Variants in CSMD3 observed in about 807,000 individuals in gnomAD.
CSMD3 encodes the protein CUB and sushi domain-containing protein 3.
A neutral mutation model predicts 435.2 loss-of-function variants in CSMD3; 177 were observed. The observed-to-expected ratio is 0.41, with a 90% CI of 0.36 to 0.46. CSMD3 has a LOEUF of 0.46. CSMD3 is among the 20% of genes least tolerant of loss of function. The probability of loss-of-function intolerance (pLI) is 0.34; values close to 1 mark genes in which losing one functional copy is unlikely to be tolerated. For synonymous variants in CSMD3, 1,656 were observed against 1,520.5 expected, an observed-to-expected ratio of 1.09 and a Z score of -2.07; for missense variants, 4,265 against 4,504.6, an observed-to-expected ratio of 0.95 and a Z score of 1.52.
At chr8:112,679,960 G>C (rs940495791) in intron 16 of CSMD3, among the ~76,000 whole-genome samples, 5 of 152,174 alleles carry the variant, frequency 3.3e-5, no homozygotes, top group African/African-American at 7.2e-5. Context: ...TCATTCATCA[G>C]ATCCAACTCA....
chr8:112,341,558 A>G lies in CSMD3; in HGVS notation c.6571T>C (p.Phe2191Leu). The G allele has an allele frequency of 6.2e-7, 1 of 1,613,546 alleles. No individual in the cohort carries two copies. The highest frequency in any genetic ancestry group is 8.5e-7 in the Non-Finnish European group (1 of 1,179,544). Residue 2191 changes from phenylalanine (F) to leucine (L), a missense_variant, in exon 42 of 71, where the codon TTC (phenylalanine) becomes CTC (leucine). This residue lies in a region of CSMD3 where 3,255 missense variants were observed against 3,380.2 expected (regional missense o/e 0.96). Coordinates refer to ENST00000297405, the MANE Select transcript of CSMD3 (RefSeq NM_198123.2). ...LSGPQIPSSLFSTTHETSLYF... is the reference protein window; with the variant it reads ...LSGPQIPSSLLSTTHETSLYF... Reference sequence around the variant, plus strand: ...AAGCTGGTTTCATGGGTGGTGCTGAATAAGGAAGATGGTATTTGAGGACCA... The same window carrying G: ...AAGCTGGTTTCATGGGTGGTGCTGAGTAAGGAAGATGGTATTTGAGGACCA...
intron 7 of CSMD3, among the ~76,000 whole-genome samples, chr8:112,972,614 C>A (rs2084698838): frequency 6.6e-6 from 1 of 151,754 alleles, no homozygotes; most frequent in African/African-American, 2.4e-5. Flanking sequence ...ATGTAGTTAT[C>A]TTTAATACTG....
intron 35 of CSMD3, among the ~76,000 whole-genome samples, chr8:112,394,372 C>T (rs947621651): frequency 2.8e-4 from 42 of 152,128 alleles, no homozygotes; most frequent in African/African-American, 8.7e-4. Context: ...TCCACATCTC[C>T]CTACACTAAC....
At chr8:112,319,077 G>T (rs947939133) in intron 46 of CSMD3, 127 bp from the exon 47 acceptor site, 2 of 692,722 alleles carry the variant, frequency 2.9e-6, no homozygotes, top group Non-Finnish European at 5.1e-6. Context: ...ATGTTATTAG[G>T]TATAAGTAGG....
intron 70 of CSMD3, among the ~76,000 whole-genome samples, 198 bp downstream of exon 70, chr8:112,228,558 C>T (rs1285393532): frequency 6.6e-6 from 1 of 152,132 alleles, no homozygotes; most frequent in Non-Finnish European, 1.5e-5. Context: ...TTTAACAGAG[C>T]ACTTTTGTTA....
intron 27 of CSMD3, among the ~76,000 whole-genome samples, chr8:112,531,822 C>T (rs1825566930): frequency 6.6e-6 from 1 of 152,048 alleles, no homozygotes; most frequent in Non-Finnish European, 1.5e-5. Context: ...TTGATTGACA[C>T]ATGTCCACAA....
intron 27 of CSMD3, among the ~76,000 whole-genome samples, chr8:112,545,511 A>AAT (rs1563685286): frequency 1.2e-4 from 17 of 142,220 alleles, no homozygotes; most frequent in African/African-American, 4.0e-4. Flanking sequence ...AAATAATAAT[A>AAT]ATAATAATAA....
At chr8:112,554,605 T>C (rs190637308) in intron 25 of CSMD3, among the ~76,000 whole-genome samples, 198 of 152,076 alleles carry the variant, frequency 1.3e-3, no homozygotes, top group African/African-American at 4.6e-3. Context: ...AACTTAAACA[T>C]AGCTGTTTCC....
chr8:113,342,501 G>A (rs890658950), intron 1 of CSMD3, among the ~76,000 whole-genome samples: 3 of 152,094 alleles, frequency 2.0e-5, no homozygotes, highest in Non-Finnish European at 4.4e-5. Flanking sequence ...AAATTGATCT[G>A]ATTAACATAA....
intron 13 of CSMD3, among the ~76,000 whole-genome samples, chr8:112,711,121 G>C (rs1313391412): frequency 6.6e-6 from 1 of 152,098 alleles, no homozygotes; most frequent in East Asian, 1.9e-4. Flanking sequence ...TGCAATGATA[G>C]TAACTGATAT....
intron 31 of CSMD3, among the ~76,000 whole-genome samples, chr8:112,488,355 G>A (rs1180001109): frequency 6.6e-6 from 1 of 152,122 alleles, no homozygotes; most frequent in African/African-American, 2.4e-5. Flanking sequence ...TGACTGCATG[G>A]AGCTTATGCT....
intron 9 of CSMD3, among the ~76,000 whole-genome samples, chr8:112,941,257 G>C (rs886696248): frequency 6.6e-6 from 1 of 151,882 alleles, no homozygotes; most frequent in Non-Finnish European, 1.5e-5. Context: ...AGCCAACTAT[G>C]TGGGACAATT....
At chr8:113,390,704 G>A (rs1352802882) in intron 1 of CSMD3, among the ~76,000 whole-genome samples, 1 of 151,798 alleles carries the variant, frequency 6.6e-6, no homozygotes, top group African/African-American at 2.4e-5. Context: ...CACTTAAAAA[G>A]GAACTGACAA....
At chr8:112,458,380 C>T (rs4363229) in intron 32 of CSMD3, among the ~76,000 whole-genome samples, 30,823 of 151,890 alleles carry the variant, frequency 0.2, 3,810 homozygotes, top group East Asian at 0.39. Flanking sequence ...TGTTAGTTTA[C>T]CCTCCCAAAG....
chr8:112,307,880 C>A (rs1256875747), intron 50 of CSMD3, among the ~76,000 whole-genome samples: 2 of 152,086 alleles, frequency 1.3e-5, no homozygotes, highest in African/African-American at 2.4e-5. Context: ...ACTATTCACC[C>A]ATCTTCCATT....
chr8:113,282,260 C>T (rs959220972), intron 2 of CSMD3, among the ~76,000 whole-genome samples: 2 of 151,906 alleles, frequency 1.3e-5, no homozygotes, highest in Admixed American at 6.6e-5. Flanking sequence ...AAAGGACATT[C>T]AAATTAGTAA....
At chr8:112,911,803 TTA>T (rs776514722) in intron 10 of CSMD3, among the ~76,000 whole-genome samples, 46 of 147,816 alleles carry the variant, frequency 3.1e-4, no homozygotes, top group African/African-American at 7.6e-4. Flanking sequence ...ATGTTATATA[TTA>T]TATATGTTAT....
At position 112,352,664 on chromosome 8, in the gene CSMD3, G is replaced by T. The variant is rs375836091; in HGVS notation, c.6137-130C>A. On this transcript the variant is annotated intron_variant, in intron 38 of 70. Coordinates refer to ENST00000297405, the MANE Select transcript of CSMD3 (RefSeq NM_198123.2). Reference sequence around the variant, plus strand: ...GATACTATATTGAGACGTTGAGAACGTTCTGTGAACAAGATTTAACTGTAG... The same window carrying T: ...GATACTATATTGAGACGTTGAGAACTTTCTGTGAACAAGATTTAACTGTAG... 45 of 795,068 alleles carry T rather than the reference G, an allele frequency of 5.7e-5. 1 individual carries two copies. Among genetic ancestry groups the T allele is most frequent in the East Asian group, 3.8e-4 (15 of 39,132 alleles). The allele number at this position is 795,068 out of a possible 1,614,324, so 49.3% of individuals were successfully genotyped here. A position where few individuals can be genotyped will look rare whatever the true frequency, so the allele number is the denominator to read the frequency against.
At chr8:112,772,448 C>T (rs538042546) in intron 13 of CSMD3, among the ~76,000 whole-genome samples, 20 of 152,086 alleles carry the variant, frequency 1.3e-4, no homozygotes, top group Non-Finnish European at 2.1e-4. Context: ...ATCTCAAGTA[C>T]GCAGAGACAC....
Sources: allele counts gnomAD v4.1 joint callset (sites outside exome capture counted in the v4.1 genomes callset), GRCh38; gene constraint gnomAD v4.1.1; regional missense constraint gnomAD v4.1.1; transcripts MANE v1.5; gene names NCBI Gene and HGNC (gene_info 2026-07-23, HGNC 2026-07-21).